HPSE2: variants seen among roughly 807,000 people sequenced by gnomAD.
HPSE2 encodes the protein heparanase 2 (inactive).
A neutral mutation model predicts 60.5 loss-of-function variants in HPSE2; 38 were observed. The ratio of observed to expected loss-of-function variants is 0.63; its 90% CI spans 0.48 to 0.82. The LOEUF (loss-of-function observed/expected upper bound fraction) is 0.82. HPSE2 is among the 40% of genes least tolerant of loss of function. The probability of loss-of-function intolerance (pLI) is 0.00; values close to 1 mark genes in which losing one functional copy is unlikely to be tolerated. For missense variants in HPSE2, 713 were observed against 740.4 expected (o/e 0.96, Z 0.43); for synonymous variants, 295 against 293.2 (o/e 1.01, Z -0.06).
In HPSE2 at chr10:98,718,758, G is replaced by T. The variant is rs530353235; in HGVS notation, c.956+2899C>A. Among the ~76,000 whole-genome samples, 39 of 152,198 alleles carry T rather than the reference G, an allele frequency of 2.6e-4. No individual in the cohort carries two copies. The Middle Eastern group carries it at 0.02, about 80-fold the overall frequency. Reference sequence around the variant, plus strand: ...AAAAAGTGGACCTCACGGAGGTAGAGAATTGGTGGTAACCAGAGGCTAGGA... The same window carrying T: ...AAAAAGTGGACCTCACGGAGGTAGATAATTGGTGGTAACCAGAGGCTAGGA... On this transcript the variant is annotated intron_variant, in intron 5 of 11. Transcript: ENST00000370552.
At chr10:99,307,559 T>C in the HPSE2 span, among the ~76,000 whole-genome samples, 5 of 152,134 alleles carry the variant, frequency 3.3e-5, 1 homozygote, top group African/African-American at 1.2e-4. Flanking sequence ...CTTAAACACT[T>C]CTGCTTCTGC....
intron 9 of HPSE2, among the ~76,000 whole-genome samples, chr10:98,495,207 G>C (rs1190293704): frequency 6.6e-6 from 1 of 151,044 alleles, no homozygotes; most frequent in Non-Finnish European, 1.5e-5. Context: ...TGCATATATT[G>C]GCTCACTGCC....
chr10:98,531,202 C>T (rs1195537579), intron 9 of HPSE2, among the ~76,000 whole-genome samples: 2 of 152,088 alleles, frequency 1.3e-5, no homozygotes, highest in Non-Finnish European at 2.9e-5. Context: ...ACAGGGAGCA[C>T]AGAGGTAGGA....
At chr10:98,471,766 C>T (rs1014537443) in intron 11 of HPSE2, among the ~76,000 whole-genome samples, 5 of 152,244 alleles carry the variant, frequency 3.3e-5, no homozygotes, top group South Asian at 2.1e-4. Context: ...GAAGCATCAG[C>T]GCTGATAGCC....
intron 3 of HPSE2, among the ~76,000 whole-genome samples, chr10:99,097,829 T>C (rs1444506242): frequency 6.6e-6 from 1 of 152,192 alleles, no homozygotes; most frequent in Non-Finnish European, 1.5e-5. Context: ...GAATAATATG[T>C]CCAAAATGAA....
chr10:98,890,925 ATAGTAACTTTCTTAT>A (rs1246876441), intron 3 of HPSE2, among the ~76,000 whole-genome samples: 1 of 152,242 alleles, frequency 6.6e-6, no homozygotes, highest in Non-Finnish European at 1.5e-5. Context: ...TAATAAAAAT[ATAGTAACTTTCTTAT>A]TGCAATTTGA....
chr10:98,854,101 A>AGTTAAGAAT (rs972323573), intron 3 of HPSE2, among the ~76,000 whole-genome samples: 1 of 152,208 alleles, frequency 6.6e-6, no homozygotes, highest in Non-Finnish European at 1.5e-5. Context: ...GAAGATCTAC[A>AGTTAAGAAT]GTTAAGAATG....
intron 7 of HPSE2, among the ~76,000 whole-genome samples, chr10:98,637,022 A>G (rs931753759): frequency 6.6e-6 from 1 of 151,986 alleles, no homozygotes; most frequent in Admixed American, 6.6e-5. Flanking sequence ...TAGATTATCA[A>G]CTCTTTCCTT....
chr10:98,822,399 TAA>T (rs1304903624), intron 3 of HPSE2, among the ~76,000 whole-genome samples: 1 of 152,172 alleles, frequency 6.6e-6, no homozygotes, highest in Admixed American at 6.5e-5. Context: ...TCATGCTATA[TAA>T]GAATGTATTA....
At chr10:98,560,069 T>C (rs1002511139) in intron 9 of HPSE2, among the ~76,000 whole-genome samples, 16 of 152,160 alleles carry the variant, frequency 1.1e-4, no homozygotes, top group Admixed American at 9.8e-4. Context: ...GTATAGGTAG[T>C]GAAGACTATT....
At chr10:99,230,398 G>A (rs1461750962) in intron 2 of HPSE2, among the ~76,000 whole-genome samples, 2 of 152,094 alleles carry the variant, frequency 1.3e-5, no homozygotes, top group East Asian at 3.9e-4. Flanking sequence ...TATGAGTGGT[G>A]AAAAACTACA....
chr10:99,047,932 C>T (rs1413047700), intron 3 of HPSE2: 2 of 753,144 alleles, frequency 2.7e-6, no homozygotes, highest in Non-Finnish European at 4.9e-6. Context: ...TCAGAGGTAT[C>T]GATGGTGTTA....
rs986302004 is a variant in HPSE2, at chr10:98,943,862, A to G, written c.611-199806T>C. Among the ~76,000 whole-genome samples, 7 of 152,300 alleles carry G rather than the reference A, an allele frequency of 4.6e-5. No homozygotes were observed. In the East Asian group the frequency reaches 1.3e-3, roughly 29 times the overall value. On this transcript the variant is annotated intron_variant, in intron 3 of 11. Coordinates refer to ENST00000370552, the MANE Select transcript of HPSE2 (RefSeq NM_021828.5). ...GCTGCCTCAGCCAATATTTTGAATG[A>G]AATCTCATGAGAGACCTTAATCAGA...
chr10:98,987,883 TC>T (rs1166377635), intron 3 of HPSE2, among the ~76,000 whole-genome samples: 11 of 151,914 alleles, frequency 7.2e-5, no homozygotes, highest in African/African-American at 2.7e-4. Context: ...ATGAGTGAAC[TC>T]CCATTCACAA....
chr10:98,971,425 C>G lies in HPSE2; in HGVS notation c.610+172813G>C, dbSNP rs563484704. On this transcript the variant is annotated intron_variant, in intron 3 of 11. Transcript: ENST00000370552. ...TTTCATTTTTTAATTCTCTTTGTAC[C>G]CATAACACATTCATATCCCCATTCA... is the stretch of plus-strand genomic sequence containing the variant. 2.6e-5 allele frequency among the ~76,000 whole-genome samples: 4 copies of G among 152,100 alleles called. No homozygotes were observed. In the East Asian group the frequency reaches 7.7e-4, roughly 29 times the overall value.
rs1235574098 is a variant in HPSE2 at position 99,119,111 on chromosome 10, G to GGGAGGGAGGGAA, written c.610+25115_610+25126dup. Among the ~76,000 whole-genome samples the GGGAGGGAGGGAA allele has an allele frequency of 1.6e-4, 23 of 148,292 alleles. No homozygotes were observed. In the East Asian group the frequency reaches 1.8e-3, roughly 12 times the overall value. On this transcript the variant is annotated intron_variant, in intron 3 of 11. Transcript: ENST00000370552. ...AAAGAGAGAGAGAGGGAGGGAGGGAGGGAGGGAGGGAAGGAAGGCTGAAAT... is the reference window on the plus strand; with the variant it reads ...AAAGAGAGAGAGAGGGAGGGAGGGAGGGAGGGAGGGAAGGAGGGAGGGAAGGAAGGCTGAAAT...
intron 9 of HPSE2, among the ~76,000 whole-genome samples, chr10:98,594,019 A>T (rs1309210575): frequency 6.6e-6 from 1 of 152,190 alleles, no homozygotes; most frequent in Non-Finnish European, 1.5e-5. Flanking sequence ...TCATTTTTAA[A>T]TTGACAAATA....
intron 7 of HPSE2, among the ~76,000 whole-genome samples, chr10:98,640,181 G>A (rs1946602363): frequency 6.6e-6 from 1 of 152,168 alleles, no homozygotes; most frequent in Non-Finnish European, 1.5e-5. Flanking sequence ...TTTACCTTGA[G>A]GGCAGAGACC....
chr10:99,149,216 C>T (rs1010357), intron 2 of HPSE2, among the ~76,000 whole-genome samples: 1 of 151,660 alleles, frequency 6.6e-6, no homozygotes, highest in South Asian at 2.1e-4. Flanking sequence ...ACTTTTTTAA[C>T]AACAGAAGCT....
Sources: allele counts gnomAD v4.1 joint callset (sites outside exome capture counted in the v4.1 genomes callset), GRCh38; gene constraint gnomAD v4.1.1; transcripts MANE v1.5; gene names NCBI Gene and HGNC (gene_info 2026-07-23, HGNC 2026-07-21).